Variants in ITGBL1 observed in about 807,000 individuals in gnomAD.
The protein encoded by ITGBL1 is integrin beta-like protein 1.
A neutral mutation model predicts 68.5 loss-of-function variants in ITGBL1; 51 were observed. The observed-to-expected ratio is 0.74, with a 90% CI of 0.59 to 0.94. The LOEUF is 0.94. Ranked by LOEUF, ITGBL1 falls within the 40% of genes least tolerant of loss-of-function variation. The probability of loss-of-function intolerance (pLI) is 0.00; values close to 1 mark genes in which losing one functional copy is unlikely to be tolerated. For missense variants in ITGBL1, 649 were observed against 647.4 expected (o/e 1.00, Z -0.03); for synonymous variants, 209 against 227.3 (o/e 0.92, Z 0.72).
Position 101,584,837 on chromosome 13 carries a change from A to G in ITGBL1, c.868+1481A>G, listed in dbSNP as rs1337134281. Among the ~76,000 whole-genome samples the G allele has an allele frequency of 2.6e-5, 4 of 152,062 alleles. No homozygotes were observed. In the East Asian group the frequency reaches 7.7e-4, roughly 29 times the overall value. ...AAGAGGCCTGTTGGAGATTTTAATT[A>G]GGATGATGTGGCTCTTCACAGTGGT... On this transcript the variant is annotated intron_variant, in intron 6 of 10. Transcript: ENST00000376180.
intron 2 of ITGBL1, among the ~76,000 whole-genome samples, chr13:101,500,793 A>C (rs1412776853): frequency 6.6e-6 from 1 of 152,180 alleles, no homozygotes; most frequent in Non-Finnish European, 1.5e-5. Context: ...ATTTGGATAC[A>C]CATGTAAGTC....
intron 8 of ITGBL1, among the ~76,000 whole-genome samples, chr13:101,699,659 T>C (rs2034087006): frequency 6.6e-6 from 1 of 152,210 alleles, no homozygotes. Flanking sequence ...TGCAGAACTG[T>C]GAGTCAATTA....
At chr13:101,473,241 A>G (rs2048487568) in intron 2 of ITGBL1, among the ~76,000 whole-genome samples, 1 of 152,184 alleles carries the variant, frequency 6.6e-6, no homozygotes, top group African/African-American at 2.4e-5. Context: ...TATCAAAGAA[A>G]GAGGCAATGA....
intron 2 of ITGBL1, among the ~76,000 whole-genome samples, chr13:101,465,357 C>T (rs775512676): frequency 2.4e-4 from 36 of 152,126 alleles, no homozygotes; most frequent in Non-Finnish European, 4.7e-4. Context: ...TATAGCTGTC[C>T]TCTGAAAGAC....
At chr13:101,507,329 T>C (rs1342480526) in intron 2 of ITGBL1, among the ~76,000 whole-genome samples, 1 of 152,190 alleles carries the variant, frequency 6.6e-6, no homozygotes, top group African/African-American at 2.4e-5. Context: ...CAGAAAATAC[T>C]TCAACAAATA....
At chr13:101,667,408 A>G (rs1027923546) in intron 7 of ITGBL1, among the ~76,000 whole-genome samples, 2 of 152,098 alleles carry the variant, frequency 1.3e-5, no homozygotes, top group Non-Finnish European at 2.9e-5. Flanking sequence ...CTGCTTGGAG[A>G]TTATTTTTCT....
chr13:101,644,985 A>G (rs760638225), intron 7 of ITGBL1, among the ~76,000 whole-genome samples: 7 of 152,208 alleles, frequency 4.6e-5, no homozygotes, highest in Non-Finnish European at 1.0e-4. Flanking sequence ...GAGACCAGAT[A>G]AGTAAATTGG....
At chr13:101,548,172 G>A (rs1594883115) in intron 2 of ITGBL1, among the ~76,000 whole-genome samples, 1 of 151,898 alleles carries the variant, frequency 6.6e-6, no homozygotes, top group Non-Finnish European at 1.5e-5. Flanking sequence ...ATTCTTCAAG[G>A]CTGCAAAACA....
At chr13:101,624,575 A>G (rs2031705934) in intron 7 of ITGBL1, among the ~76,000 whole-genome samples, 1 of 152,244 alleles carries the variant, frequency 6.6e-6, no homozygotes, top group Non-Finnish European at 1.5e-5. Context: ...AGAAGAGCTC[A>G]GTGAACATCT....
chr13:101,524,654 T>C (rs1284657597), intron 2 of ITGBL1, among the ~76,000 whole-genome samples: 3 of 69,934 alleles, frequency 4.3e-5, no homozygotes, highest in East Asian at 4.4e-4. Context: ...TGTATTCTTA[T>C]TCTTTTTTTT....
At chr13:101,549,486 C>G (rs947085429) in intron 2 of ITGBL1, among the ~76,000 whole-genome samples, 1 of 151,414 alleles carries the variant, frequency 6.6e-6, no homozygotes, top group African/African-American at 2.4e-5. Context: ...GTCAAAAGAT[C>G]AAAAATAAAC....
intron 2 of ITGBL1, among the ~76,000 whole-genome samples, chr13:101,530,172 C>T (rs939805449): frequency 5.3e-5 from 8 of 151,686 alleles, no homozygotes; most frequent in African/African-American, 1.9e-4. Context: ...TACTTTAGTA[C>T]GAAGACTAGA....
At chr13:101,676,774 G>A (rs893500833) in intron 7 of ITGBL1, among the ~76,000 whole-genome samples, 6 of 151,984 alleles carry the variant, frequency 3.9e-5, no homozygotes, top group Admixed American at 6.6e-5. Context: ...AAAAGGAGTC[G>A]GTTGAAGAAT....
chr13:101,509,778 TCAAA>T (rs2049085944), intron 2 of ITGBL1, among the ~76,000 whole-genome samples: 1 of 152,144 alleles, frequency 6.6e-6, no homozygotes, highest in African/African-American at 2.4e-5. Flanking sequence ...TTTTAACCTA[TCAAA>T]TAAAGTCCTT....
chr13:101,692,566 C>T lies in ITGBL1; in HGVS notation c.1016-19C>T, dbSNP rs759453102. 3 of 1,563,122 alleles carry T rather than the reference C, an allele frequency of 1.9e-6. No homozygotes were observed. The South Asian group carries it at 3.3e-5, about 17-fold the overall frequency. ...CCGGGACTCTCCTCATAAGTGTGCA[C>T]TTTCTTTATACTTTCCAGGTAAATG... On this transcript the variant is annotated intron_variant, in intron 7 of 10. Coordinates refer to ENST00000376180, the MANE Select transcript of ITGBL1 (RefSeq NM_004791.3).
chr13:101,676,255 A>G (rs1164637638), intron 7 of ITGBL1, among the ~76,000 whole-genome samples: 19 of 151,988 alleles, frequency 1.3e-4, no homozygotes, highest in Non-Finnish European at 1.5e-5. Flanking sequence ...AACATTGTTT[A>G]TCAAAATCGG....
intron 2 of ITGBL1, among the ~76,000 whole-genome samples, chr13:101,530,718 A>AC (rs1433155442): frequency 8.5e-5 from 13 of 152,232 alleles, no homozygotes; most frequent in African/African-American, 2.9e-4. Context: ...CTTACAAAAA[A>AC]ATTAACACAC....
intron 2 of ITGBL1, among the ~76,000 whole-genome samples, chr13:101,494,625 G>C (rs1210337776): frequency 1.3e-5 from 2 of 152,162 alleles, no homozygotes; most frequent in East Asian, 3.8e-4. Flanking sequence ...TAATAGCCAA[G>C]TGTTATAGGC....
At chr13:101,495,036 T>G (rs2048836827) in intron 2 of ITGBL1, among the ~76,000 whole-genome samples, 1 of 152,212 alleles carries the variant, frequency 6.6e-6, no homozygotes, top group African/African-American at 2.4e-5. Context: ...ATGATTGACA[T>G]TCTTAATTGA....
Sources: gnomAD v4.1 joint callset for allele counts (sites outside exome capture counted in the v4.1 genomes callset) on GRCh38, gnomAD v4.1.1 for gene constraint, MANE v1.5 for transcripts, NCBI Gene and HGNC (gene_info 2026-07-23, HGNC 2026-07-21) for gene names.